Variants in MSI2 observed in about 807,000 individuals in gnomAD.
MSI2 encodes RNA-binding protein Musashi homolog 2.
MSI2 carries 17 observed loss-of-function variants against 45.6 expected under a neutral mutation model. The ratio of observed to expected loss-of-function variants is 0.37; its 90% confidence interval spans 0.26 to 0.56. The LOEUF is 0.56. Among genes scored for constraint, MSI2 ranks in the 20% least tolerant of loss-of-function variants. The pLI is 0.77. For missense variants in MSI2, 293 were observed against 444.2 expected, an observed-to-expected ratio of 0.66 and a Z score of 3.06; for synonymous variants, 156 against 158.2, an observed-to-expected ratio of 0.99 and a Z score of 0.11.
chr17:57,451,363 T>A (rs1277017617), intron 6 of MSI2, among the ~76,000 whole-genome samples: 1 of 152,296 alleles, frequency 6.6e-6, no homozygotes, highest in East Asian at 1.9e-4. Flanking sequence ...ACAATAGAGA[T>A]CCTTCGCTAA....
chr17:57,632,141 CAG>C, intron 10 of MSI2: 2 of 1,212,700 alleles, frequency 1.6e-6, no homozygotes, highest in African/African-American at 1.5e-5. Context: ...AGAGCCTCCT[CAG>C]GGGAAGCTAG....
intron 6 of MSI2, chr17:57,432,745 G>A (rs1319009802): frequency 1.3e-5 from 2 of 152,534 alleles, no homozygotes; most frequent in Non-Finnish European, 2.9e-5. Context: ...CTGTCTAGGA[G>A]AAGAATGGCG....
intron 6 of MSI2, among the ~76,000 whole-genome samples, chr17:57,527,467 C>CGG (rs34455379): frequency 9.9e-5 from 15 of 152,052 alleles, no homozygotes; most frequent in Admixed American, 3.3e-4. Flanking sequence ...TTACCGTCGG[C>CGG]GGGGGCTCTT....
intron 5 of MSI2, among the ~76,000 whole-genome samples, chr17:57,338,969 AGG>A (rs1914906047): frequency 6.6e-6 from 1 of 152,170 alleles, no homozygotes; most frequent in African/African-American, 2.4e-5. Context: ...TTGGCTTGTC[AGG>A]GGTGCCAGGC....
At chr17:57,632,713 G>T (rs756211318) in intron 10 of MSI2, 3 of 1,065,764 alleles carry the variant, frequency 2.8e-6, no homozygotes, top group African/African-American at 3.3e-5. Flanking sequence ...CACTCTCTTG[G>T]AATAATGACG....
rs1456258252 is a variant in MSI2 at position 57,596,889 on chromosome 17, A to G, written c.476A>G (p.Glu159Gly). Reference protein sequence around the residue: ...RHRGFGFVTFENEDVVEKVCE... With the variant: ...RHRGFGFVTFGNEDVVEKVCE... ...TTAGGGTTTGGCTTTGTCACTTTTG[A>G]GAATGAAGATGTTGTGGAGAAAGTC... Residue 159 changes from glutamate (E) to glycine (G), a missense_variant, in exon 8 of 14, where the codon GAG becomes GGG. Coordinates refer to ENST00000284073, the MANE Select transcript of MSI2 (RefSeq NM_138962.4). The surrounding 1 kb of genome is among the most constrained non-coding windows in gnomAD (Gnocchi z 4.6). 12 of 1,613,380 alleles carry G rather than the reference A, an allele frequency of 7.4e-6. No individual in the cohort carries two copies. Among genetic ancestry groups the G allele is most frequent in the Non-Finnish European group, 1.0e-5 (12 of 1,179,388 alleles).
At chr17:57,540,372 G>A (rs564052970) in intron 7 of MSI2, among the ~76,000 whole-genome samples, 1 of 152,310 alleles carries the variant, frequency 6.6e-6, no homozygotes, top group South Asian at 2.1e-4. Flanking sequence ...ATGGCTGCTG[G>A]CAGATGCTGT....
chr17:57,466,175 A>G (rs996157516), intron 6 of MSI2, among the ~76,000 whole-genome samples: 2 of 151,996 alleles, frequency 1.3e-5, no homozygotes, highest in South Asian at 2.1e-4. Flanking sequence ...TCATTTCTCA[A>G]TTTGGACCCA....
intron 5 of MSI2, among the ~76,000 whole-genome samples, chr17:57,281,688 G>A (rs575544721): frequency 1.2e-4 from 19 of 152,250 alleles, no homozygotes; most frequent in African/African-American, 4.3e-4. Flanking sequence ...CGGGAGAGGC[G>A]TACGAGCTGC....
intron 6 of MSI2, among the ~76,000 whole-genome samples, chr17:57,526,160 G>C (rs2086691277): frequency 1.3e-5 from 2 of 152,092 alleles, no homozygotes; most frequent in South Asian, 4.2e-4. Flanking sequence ...AGGAGGCGGG[G>C]GTAGCAGTGA....
chr17:57,382,300 G>T (rs71387500), intron 5 of MSI2, among the ~76,000 whole-genome samples: 1 of 152,200 alleles, frequency 6.6e-6, no homozygotes, highest in Non-Finnish European at 1.5e-5. Context: ...GAATGTGCTA[G>T]AAGATGAGAG....
At chr17:57,598,731 C>T (rs1239740139) in intron 8 of MSI2, among the ~76,000 whole-genome samples, 2 of 151,958 alleles carry the variant, frequency 1.3e-5, no homozygotes, top group Non-Finnish European at 2.9e-5. Context: ...GGCACGATCT[C>T]GGCTCACTGC....
chr17:57,639,258 A>G (rs1017886433), intron 10 of MSI2, among the ~76,000 whole-genome samples: 1 of 152,210 alleles, frequency 6.6e-6, no homozygotes, highest in African/African-American at 2.4e-5. Context: ...CACGCACAGA[A>G]GTTCGCCAGG....
At chr17:57,326,635 A>T (rs1320050789) in intron 5 of MSI2, among the ~76,000 whole-genome samples, 1 of 152,228 alleles carries the variant, frequency 6.6e-6, no homozygotes, top group Non-Finnish European at 1.5e-5. Flanking sequence ...GCTAACATTT[A>T]TGAAGCTCTC....
At chr17:57,394,688 G>A (rs987240226) in intron 5 of MSI2, among the ~76,000 whole-genome samples, 1 of 152,166 alleles carries the variant, frequency 6.6e-6, no homozygotes, top group Non-Finnish European at 1.5e-5. Flanking sequence ...CTCAAGACAG[G>A]TGTCATTTGA....
intron 5 of MSI2, among the ~76,000 whole-genome samples, chr17:57,303,206 G>A (rs1911570407): frequency 6.6e-6 from 1 of 152,198 alleles, no homozygotes; most frequent in Admixed American, 6.5e-5. Context: ...GTTCAGCTGA[G>A]TGCTTTCCTG....
chr17:57,620,385 T>C (rs1908176217), intron 9 of MSI2, among the ~76,000 whole-genome samples: 1 of 152,200 alleles, frequency 6.6e-6, no homozygotes, highest in South Asian at 2.1e-4. Flanking sequence ...AGAAAAAATA[T>C]GCTATTAATT....
At chr17:57,322,278 G>A (rs1247686015) in intron 5 of MSI2, among the ~76,000 whole-genome samples, 2 of 152,162 alleles carry the variant, frequency 1.3e-5, no homozygotes, top group Non-Finnish European at 2.9e-5. Context: ...GAGCGCAGGA[G>A]GCAGACACAC....
intron 5 of MSI2, among the ~76,000 whole-genome samples, chr17:57,341,762 C>T (rs960305551): frequency 5.9e-5 from 9 of 152,130 alleles, no homozygotes; most frequent in African/African-American, 2.2e-4. Context: ...TGGGCACCGC[C>T]ACAGATAATA....
Sources: allele counts gnomAD v4.1 joint callset (sites outside exome capture counted in the v4.1 genomes callset), GRCh38; gene constraint gnomAD v4.1.1; non-coding constraint Gnocchi (gnomAD v3.1); transcripts MANE v1.5; gene names NCBI Gene and HGNC (gene_info 2026-07-23, HGNC 2026-07-21).